The following ECT2 variants were observed in gnomAD, a reference collection of about 807,000 sequenced individuals.
The protein encoded by ECT2 is epithelial cell transforming 2.
ECT2 carries 61 observed loss-of-function variants against 116.9 expected under a neutral mutation model. The ratio of observed to expected loss-of-function variants is 0.52; its 90% CI spans 0.42 to 0.65. ECT2 has a LOEUF of 0.65. Ranked by LOEUF, ECT2 falls within the 30% of genes least tolerant of loss-of-function variation. The pLI is 0.00. For missense variants in ECT2, 937 were observed against 1,078.7 expected (o/e 0.87, Z 1.84); for synonymous variants, 358 against 346.4 (o/e 1.03, Z -0.37).
intron 17 of ECT2, 144 bp from the exon 18 acceptor site, chr3:172,786,349 A>G (rs1329499658): frequency 9.1e-6 from 5 of 546,864 alleles, no homozygotes; most frequent in Non-Finnish European, 1.6e-5. Context: ...AGAGCTTTTT[A>G]GGGAACAGTG....
intron 12 of ECT2, among the ~76,000 whole-genome samples, chr3:172,766,497 AATCTATTACAATCGC>A (rs1395874019): frequency 6.6e-6 from 1 of 152,234 alleles, no homozygotes; most frequent in East Asian, 1.9e-4. Flanking sequence ...ACCATGATGT[AATCTATTACAATCGC>A]TTCGGCCATG....
chr3:172,771,839 A>G (rs998174550), intron 13 of ECT2, among the ~76,000 whole-genome samples: 7 of 152,194 alleles, frequency 4.6e-5, no homozygotes, highest in Non-Finnish European at 8.8e-5. Flanking sequence ...GGAAAAATAG[A>G]ATCTTTCATT....
intron 14 of ECT2, among the ~76,000 whole-genome samples, chr3:172,774,462 G>C (rs955516730): frequency 6.6e-6 from 1 of 151,844 alleles, no homozygotes; most frequent in Non-Finnish European, 1.5e-5. Context: ...GCCTCCCAAA[G>C]TGTGGGGATC....
At chr3:172,816,617 T>G in intron 23 of ECT2, 74 bp from the exon 24 acceptor site, 1 of 1,389,894 alleles carries the variant, frequency 7.2e-7, no homozygotes. Context: ...TATATTTGGC[T>G]TTTTTATGTT....
At chr3:172,768,217 T>C (rs1197177393) in intron 12 of ECT2, among the ~76,000 whole-genome samples, 1 of 152,204 alleles carries the variant, frequency 6.6e-6, no homozygotes, top group African/African-American at 2.4e-5. Flanking sequence ...GTTATTGTAA[T>C]TGTGTAATCA....
At chr3:172,798,337 C>CT (rs1726106285) in intron 18 of ECT2, among the ~76,000 whole-genome samples, 1 of 152,076 alleles carries the variant, frequency 6.6e-6, no homozygotes, top group Non-Finnish European at 1.5e-5. Context: ...TATGGCTAGT[C>CT]TAAGTTTTTG....
chr3:172,797,978 A>G (rs1726037690), intron 18 of ECT2, among the ~76,000 whole-genome samples: 1 of 152,268 alleles, frequency 6.6e-6, no homozygotes, highest in African/African-American at 2.4e-5. Context: ...ATGTCTTGAG[A>G]CTTTCAACAT....
At chr3:172,763,662 A>T (rs1338934941) in intron 11 of ECT2, among the ~76,000 whole-genome samples, 2 of 152,218 alleles carry the variant, frequency 1.3e-5, no homozygotes, top group Non-Finnish European at 2.9e-5. Flanking sequence ...TCTAGTGTTT[A>T]TGGTGAATCT....
intron 24 of ECT2, chr3:172,818,824 T>C (rs572735444): frequency 3.4e-6 from 4 of 1,160,646 alleles, no homozygotes; most frequent in African/African-American, 3.3e-5. Flanking sequence ...TGTGAGCTTA[T>C]TAGCTATTTA....
rs751587812 is a variant in ECT2 at position 172,769,060 on chromosome 3, A to G, written c.1345A>G (p.Lys449Glu). 1.9e-6 allele frequency: 3 copies of G among 1,613,602 alleles called. No individual in the cohort carries two copies. The Admixed American group carries it at 5.0e-5, about 27-fold the overall frequency. ...SSKSSTPVPS[K>E]QSARWQVAKE... ...TAAAAGCTCCACTCCAGTTCCTTCA[A>G]AGCAGTCAGCAAGGTGGCAAGTTGC... Residue 449 changes from lysine to glutamate, a missense_variant, in exon 13 of 25, where the codon AAG becomes GAG. By Grantham distance (56) the Lys-to-Glu change is moderately conservative (BLOSUM62 1). Transcript: ENST00000392692.
intron 13 of ECT2, among the ~76,000 whole-genome samples, chr3:172,769,546 A>G (rs1720225502): frequency 6.6e-6 from 1 of 152,290 alleles, no homozygotes; most frequent in East Asian, 1.9e-4. Context: ...CATCGCCTAT[A>G]CAATAGCAAT....
At chr3:172,758,255 T>C (rs1276474022) in intron 5 of ECT2, among the ~76,000 whole-genome samples, 1 of 152,172 alleles carries the variant, frequency 6.6e-6, no homozygotes, top group Admixed American at 6.5e-5. Flanking sequence ...GCTTGCCTTG[T>C]TTACTTAAAA....
intron 18 of ECT2, among the ~76,000 whole-genome samples, chr3:172,791,977 G>A (rs1724753297): frequency 6.6e-6 from 1 of 152,128 alleles, no homozygotes; most frequent in Non-Finnish European, 1.5e-5. Context: ...GGACTTTGTA[G>A]GGTTGGTTAT....
At chr3:172,828,241 A>G in the ECT2 span, among the ~76,000 whole-genome samples, 13 of 152,150 alleles carry the variant, frequency 8.5e-5, no homozygotes, top group Non-Finnish European at 1.9e-4. Flanking sequence ...CTTAATTGAT[A>G]TGATTGTCAG....
Sources: gnomAD v4.1 joint callset for allele counts (sites outside exome capture counted in the v4.1 genomes callset) on GRCh38, gnomAD v4.1.1 for gene constraint, MANE v1.5 for transcripts, NCBI Gene and HGNC (gene_info 2026-07-23, HGNC 2026-07-21) for gene names.